The following GRM7 variants were observed in gnomAD, a reference collection of about 807,000 sequenced individuals.
GRM7 encodes the protein glutamate metabotropic receptor 7.
A neutral mutation model predicts 84.5 loss-of-function variants in GRM7; 35 were observed. The ratio of observed to expected loss-of-function variants is 0.41; its 90% CI spans 0.32 to 0.55. The LOEUF is 0.55. Among genes scored for constraint, GRM7 ranks in the 20% least tolerant of loss-of-function variants. The probability of loss-of-function intolerance (pLI) is 0.19; values close to 1 mark genes in which losing one functional copy is unlikely to be tolerated. For missense variants in GRM7, 1,003 were observed against 1,194.6 expected, an observed-to-expected ratio of 0.84 and a Z score of 2.36; for synonymous variants, 487 against 455.1, an observed-to-expected ratio of 1.07 and a Z score of -0.89.
At chr3:7,660,019 CA>C (rs1386924620) in intron 8 of GRM7, among the ~76,000 whole-genome samples, 3 of 151,900 alleles carry the variant, frequency 2.0e-5, no homozygotes, top group Admixed American at 2.0e-4. Flanking sequence ...TTCTGTTTAC[CA>C]AGACAGAATA....
At chr3:6,900,056 C>A (rs9852400) in intron 1 of GRM7, among the ~76,000 whole-genome samples, 1 of 151,978 alleles carries the variant, frequency 6.6e-6, no homozygotes, top group African/African-American at 2.4e-5. Context: ...TCAAGAATCC[C>A]AAAATAAAGG....
intron 2 of GRM7, among the ~76,000 whole-genome samples, chr3:7,210,801 GTTT>G (rs4054224): frequency 0.017 from 2,477 of 145,696 alleles, 62 homozygotes; most frequent in African/African-American, 0.054. Context: ...GCTGTGTATT[GTTT>G]TTTTTTTTTT....
At chr3:6,914,462 G>C (rs1301621246) in intron 1 of GRM7, among the ~76,000 whole-genome samples, 1 of 151,940 alleles carries the variant, frequency 6.6e-6, no homozygotes, top group Non-Finnish European at 1.5e-5. Context: ...GGAGTGAATG[G>C]CACTGTCTTG....
intron 5 of GRM7, among the ~76,000 whole-genome samples, chr3:7,425,582 G>A (rs1387451226): frequency 6.6e-6 from 1 of 152,118 alleles, no homozygotes; most frequent in Admixed American, 6.6e-5. Context: ...AAGGACTTTT[G>A]GAGTAGCAGT....
chr3:7,461,284 GCA>G (rs1698236191), intron 6 of GRM7, among the ~76,000 whole-genome samples: 2 of 152,050 alleles, frequency 1.3e-5, no homozygotes, highest in African/African-American at 4.8e-5. Flanking sequence ...TAAAATTAAT[GCA>G]TATAGGTTTT....
At chr3:7,006,404 G>A (rs966270692) in intron 1 of GRM7, among the ~76,000 whole-genome samples, 18 of 152,142 alleles carry the variant, frequency 1.2e-4, no homozygotes, top group Admixed American at 9.8e-4. Flanking sequence ...CAATGGGAAC[G>A]CCCACAGAGT....
At chr3:6,990,391 G>T (rs1334224025) in intron 1 of GRM7, among the ~76,000 whole-genome samples, 1 of 152,178 alleles carries the variant, frequency 6.6e-6, no homozygotes, top group Non-Finnish European at 1.5e-5. Context: ...ATTTCTCTAA[G>T]TCTGTTAATA....
chr3:7,477,755 A>G (rs1366335772), intron 7 of GRM7, among the ~76,000 whole-genome samples: 1 of 152,044 alleles, frequency 6.6e-6, no homozygotes, highest in East Asian at 1.9e-4. Context: ...TCTTCTAGCC[A>G]TTTCTCATGG....
intron 9 of GRM7, among the ~76,000 whole-genome samples, chr3:7,735,928 T>C (rs901838966): frequency 2.6e-5 from 4 of 152,216 alleles, no homozygotes; most frequent in African/African-American, 9.6e-5. Flanking sequence ...TTCAGTGGTA[T>C]GCATAGCTTT....
chr3:6,907,499 T>G (rs1366242100), intron 1 of GRM7, among the ~76,000 whole-genome samples: 1 of 152,172 alleles, frequency 6.6e-6, no homozygotes, highest in Non-Finnish European at 1.5e-5. Context: ...TAGTTAAAAC[T>G]AAAGAAAAAG....
intron 8 of GRM7, among the ~76,000 whole-genome samples, chr3:7,631,356 G>T (rs149274589): frequency 7.5e-6 from 1 of 133,734 alleles, no homozygotes; most frequent in South Asian, 2.7e-4. Context: ...CGCACAGAAG[G>T]ATGTTTATTT....
At chr3:7,634,020 A>T (rs539716691) in intron 8 of GRM7, among the ~76,000 whole-genome samples, 25 of 152,102 alleles carry the variant, frequency 1.6e-4, no homozygotes, top group Non-Finnish European at 3.1e-4. Context: ...AGTATTCAAA[A>T]AGCATTGCAG....
At chr3:7,461,523 C>T in intron 6 of GRM7, 60 bp from the exon 7 acceptor site, 1 of 1,397,840 alleles carries the variant, frequency 7.2e-7, no homozygotes. Context: ...ACCCATAGTA[C>T]AAGAGATATA....
At chr3:7,080,099 T>C (rs1698228987) in intron 1 of GRM7, among the ~76,000 whole-genome samples, 1 of 152,080 alleles carries the variant, frequency 6.6e-6, no homozygotes, top group Admixed American at 6.6e-5. Context: ...ATCTTTTTTA[T>C]AGTGTCTTTA....
intron 1 of GRM7, among the ~76,000 whole-genome samples, chr3:7,095,384 G>T (rs1333035743): frequency 6.6e-6 from 1 of 152,046 alleles, no homozygotes; most frequent in Non-Finnish European, 1.5e-5. Flanking sequence ...GACTCAGTGA[G>T]CAATTCATCA....
At chr3:7,627,914 T>G (rs1292888594) in intron 8 of GRM7, among the ~76,000 whole-genome samples, 1 of 152,144 alleles carries the variant, frequency 6.6e-6, no homozygotes, top group Non-Finnish European at 1.5e-5. Context: ...TTTTAAAAAT[T>G]TCAGTCACCA....
At chr3:6,980,778 G>A (rs1187681347) in intron 1 of GRM7, among the ~76,000 whole-genome samples, 1 of 152,308 alleles carries the variant, frequency 6.6e-6, no homozygotes, top group Non-Finnish European at 1.5e-5. Flanking sequence ...CCCTGCTAGA[G>A]AAGGAAGAAA....
At chr3:7,154,928 A>G (rs1694400547) in intron 2 of GRM7, among the ~76,000 whole-genome samples, 1 of 152,148 alleles carries the variant, frequency 6.6e-6, no homozygotes, top group Non-Finnish European at 1.5e-5. Flanking sequence ...CGGTTTTGAT[A>G]GATGTCAGCA....
At chr3:7,263,311 G>C (rs1002617428) in intron 2 of GRM7, among the ~76,000 whole-genome samples, 2 of 152,138 alleles carry the variant, frequency 1.3e-5, no homozygotes, top group Admixed American at 1.3e-4. Flanking sequence ...AGAGGGAGAG[G>C]TGCAACAGGA....
Sources: allele counts gnomAD v4.1 joint callset (sites outside exome capture counted in the v4.1 genomes callset), GRCh38; gene constraint gnomAD v4.1.1; transcripts MANE v1.5; gene names NCBI Gene and HGNC (gene_info 2026-07-23, HGNC 2026-07-21).